The following BTBD9 variants were observed in gnomAD, a reference collection of about 807,000 sequenced individuals.
The protein encoded by BTBD9 is BTB/POZ domain-containing protein 9.
In BTBD9, 49 loss-of-function variants were observed where a neutral mutation model predicts 64.3. That is an observed-to-expected ratio of 0.76 (90% CI 0.61 to 0.97). BTBD9 has a LOEUF of 0.97. Among genes scored for constraint, BTBD9 ranks in the 50% least tolerant of loss-of-function variants. The pLI is 0.00. For missense variants in BTBD9, 598 were observed against 762.1 expected (o/e 0.78, Z 2.53); for synonymous variants, 260 against 274.7 (o/e 0.95, Z 0.53).
At chr6:38,278,503 A>C (rs1163776661) in intron 8 of BTBD9, among the ~76,000 whole-genome samples, 1 of 152,154 alleles carries the variant, frequency 6.6e-6, no homozygotes, top group Non-Finnish European at 1.5e-5. Context: ...GGCTCCTTTC[A>C]TTTTCTTTGT....
At position 38,257,063 on chromosome 6, in the gene BTBD9, C is replaced by CTTTTTTT. The variant is rs745545678; in HGVS notation, c.1455-554_1455-548dup. Among the ~76,000 whole-genome samples, 188 of 111,350 alleles carry CTTTTTTT rather than the reference C, an allele frequency of 1.7e-3. 2 individuals are homozygous for CTTTTTTT. Among genetic ancestry groups the CTTTTTTT allele is most frequent in the African/African-American group, 6.0e-3 (178 of 29,906 alleles). 73.0% of individuals were successfully genotyped at this position (111,350 alleles called of 152,430 possible). On this transcript the variant is annotated intron_variant, in intron 8 of 10. Coordinates refer to ENST00000481247, the MANE Select transcript of BTBD9 (RefSeq NM_001099272.2). ...TAGCTGGGACTATAGTTGCACACTT[C>CTTTTTTT]TTTTTTTTTTTTTTTTTTTTGGTAG...
At chr6:38,459,220 T>C (rs1360178870) in intron 6 of BTBD9, among the ~76,000 whole-genome samples, 3 of 152,168 alleles carry the variant, frequency 2.0e-5, no homozygotes, top group East Asian at 1.9e-4. Flanking sequence ...GGTTTCACCA[T>C]GTTGGCCAGG....
chr6:38,179,136 C>T (rs1006968383), intron 10 of BTBD9, among the ~76,000 whole-genome samples: 1 of 152,194 alleles, frequency 6.6e-6, no homozygotes, highest in Non-Finnish European at 1.5e-5. Flanking sequence ...CAGGCGTGAG[C>T]TACCATGCCC....
At chr6:38,278,090 G>A (rs1761349487) in intron 8 of BTBD9, among the ~76,000 whole-genome samples, 1 of 152,186 alleles carries the variant, frequency 6.6e-6, no homozygotes, top group Non-Finnish European at 1.5e-5. Flanking sequence ...AACTTGGCTG[G>A]TAGGCTTTTA....
At chr6:38,513,304 C>T (rs1772857671) in intron 6 of BTBD9, among the ~76,000 whole-genome samples, 1 of 151,904 alleles carries the variant, frequency 6.6e-6, no homozygotes. Flanking sequence ...AAAAATTAGC[C>T]GGGCATGGTG....
intron 8 of BTBD9, among the ~76,000 whole-genome samples, chr6:38,285,403 G>A (rs890019427): frequency 6.6e-6 from 1 of 152,122 alleles, no homozygotes; most frequent in Non-Finnish European, 1.5e-5. Flanking sequence ...TGGTGCCACT[G>A]AATGAGATGG....
rs183657282 is a variant in BTBD9, at chr6:38,424,067, C to T, written c.1155-78974G>A. 1.2e-3 allele frequency among the ~76,000 whole-genome samples: 178 copies of T among 151,872 alleles called. 5 individuals carry two copies. The highest frequency in any genetic ancestry group is 4.0e-3 in the African/African-American group (167 of 41,244). ...ATTCAAAGCATCTAGGCTAGGTACC[C>T]AGGATAAACTAAATAAGTGATGGTT... On this transcript the variant is annotated intron_variant, in intron 6 of 10. Coordinates refer to ENST00000481247, the MANE Select transcript of BTBD9 (RefSeq NM_001099272.2).
chr6:38,584,114 T>A (rs1436554381), intron 4 of BTBD9, among the ~76,000 whole-genome samples: 1 of 151,982 alleles, frequency 6.6e-6, no homozygotes, highest in East Asian at 1.9e-4. Flanking sequence ...ATTGCTTGAG[T>A]ACAGGAGTTT....
chr6:38,631,494 C>T (rs1318290438), intron 1 of BTBD9, among the ~76,000 whole-genome samples: 5 of 152,204 alleles, frequency 3.3e-5, no homozygotes, highest in African/African-American at 7.2e-5. Flanking sequence ...ATATTCAAAA[C>T]AGGACATAAA....
intron 6 of BTBD9, among the ~76,000 whole-genome samples, chr6:38,550,736 C>T (rs1774760863): frequency 6.6e-6 from 1 of 152,184 alleles, no homozygotes; most frequent in African/African-American, 2.4e-5. Context: ...CAAGCCACCA[C>T]TATCTTTTGT....
intron 6 of BTBD9, among the ~76,000 whole-genome samples, chr6:38,555,756 C>T (rs1325825548): frequency 6.6e-6 from 1 of 152,186 alleles, no homozygotes; most frequent in African/African-American, 2.4e-5. Context: ...ATTCACTGGT[C>T]TCATGCTGCC....
intron 6 of BTBD9, among the ~76,000 whole-genome samples, chr6:38,543,951 C>T (rs1451458884): frequency 6.9e-6 from 1 of 145,076 alleles, no homozygotes; most frequent in East Asian, 2.0e-4. Context: ...AGCGAGACTC[C>T]GTCTCAAAAA....
At chr6:38,582,384 A>C (rs1333119270) in intron 4 of BTBD9, among the ~76,000 whole-genome samples, 1 of 152,198 alleles carries the variant, frequency 6.6e-6, no homozygotes, top group Non-Finnish European at 1.5e-5. Flanking sequence ...CCTCATAATA[A>C]TCCTTTGAGT....
rs751434907 is a variant in BTBD9 at position 38,598,137 on chromosome 6, GGAAT to G, written c.-27-20_-27-17del. 2 of 1,572,150 alleles carry G rather than the reference GGAAT, an allele frequency of 1.3e-6. No homozygotes were observed. The highest frequency in any genetic ancestry group is 2.3e-5 in the South Asian group (2 of 86,272). ...AGTCGTTGTTCTATCATATAAAGAA[GGAAT>G]GAGAGTTAGTTGGGGGAGGGGAGTA... is the stretch of plus-strand genomic sequence containing the variant. On this transcript the variant is annotated splice_polypyrimidine_tract_variant and intron_variant, in intron 1 of 10. Transcript: ENST00000481247.
intron 6 of BTBD9, among the ~76,000 whole-genome samples, chr6:38,398,569 C>T (rs1470083757): frequency 3.3e-5 from 5 of 152,184 alleles, no homozygotes; most frequent in Non-Finnish European, 4.4e-5. Flanking sequence ...CAGGCCCTTT[C>T]GCCATCCTCT....
chr6:38,622,438 G>A (rs1363875915), intron 1 of BTBD9, among the ~76,000 whole-genome samples: 2 of 152,104 alleles, frequency 1.3e-5, no homozygotes, highest in Non-Finnish European at 2.9e-5. Context: ...AGTGACAATC[G>A]TCCAGCTTTT....
At chr6:38,466,427 G>T (rs9470881) in intron 6 of BTBD9, among the ~76,000 whole-genome samples, 1 of 151,338 alleles carries the variant, frequency 6.6e-6, no homozygotes, top group Non-Finnish European at 1.5e-5. Context: ...GAGTAGCTGA[G>T]ACTATAGGCA....
At chr6:38,416,142 T>TGGGTA (rs957364842) in intron 6 of BTBD9, among the ~76,000 whole-genome samples, 2 of 151,940 alleles carry the variant, frequency 1.3e-5, no homozygotes, top group Non-Finnish European at 2.9e-5. Context: ...CACTGGGAGG[T>TGGGTA]GGGTAGGGTA....
chr6:38,198,086 A>G (rs1762326420), intron 9 of BTBD9, among the ~76,000 whole-genome samples: 1 of 152,260 alleles, frequency 6.6e-6, no homozygotes. Context: ...TCTGGGGATA[A>G]GTATGTGAGC....
Sources: allele counts gnomAD v4.1 joint callset (sites outside exome capture counted in the v4.1 genomes callset), GRCh38; gene constraint gnomAD v4.1.1; transcripts MANE v1.5; gene names NCBI Gene and HGNC (gene_info 2026-07-23, HGNC 2026-07-21).